BNIP3: variants seen among roughly 807,000 people sequenced by gnomAD.
BNIP3 encodes the protein BCL2 interacting protein 3, also known as BCL2/adenovirus E1B 19 kDa protein-interacting protein 3.
In BNIP3, 16 loss-of-function variants were observed where a neutral mutation model predicts 23.9. That is an observed-to-expected ratio of 0.67 (90% confidence interval 0.45 to 1.01). The LOEUF (loss-of-function observed/expected upper bound fraction) is 1.01, where lower values mean the gene tolerates loss of function less well. Ranked by LOEUF, BNIP3 falls within the 50% of genes least tolerant of loss-of-function variation. The pLI is 0.00. For missense variants in BNIP3, 198 were observed against 248.7 expected (o/e 0.80, Z 1.37); for synonymous variants, 81 against 89.3 (o/e 0.91, Z 0.53).
rs772114895 is a variant in BNIP3, at chr10:131,970,729, C to T, written c.448G>A (p.Val150Ile). 15 of 1,614,078 alleles carry T rather than the reference C, an allele frequency of 9.3e-6. No individual in the cohort carries two copies. The East Asian group carries it at 2.9e-4, about 31-fold the overall frequency. Residue 150 changes from valine (V) to isoleucine (I), a missense_variant, in exon 5 of 6, where the codon GTC becomes ATC. Transcript: ENST00000368636. This position sits in a 1 kb window ranked among gnomAD's most constrained non-coding sequence, Gnocchi z 4.1. ...TATLSMRNTS[V>I]MKKGGIFSAE... ...GAGAATATGCCCCCTTTCTTCATGA[C>T]GCTCGTGTTCCTCATGCTGAGGGTG... is the stretch of plus-strand genomic sequence containing the variant.
intron 1 of BNIP3, among the ~76,000 whole-genome samples, chr10:131,978,163 T>A (rs1231512260): frequency 6.6e-6 from 1 of 152,122 alleles, no homozygotes; most frequent in Non-Finnish European, 1.5e-5. Flanking sequence ...GTCCCTCTCA[T>A]GTTCCTCCCC....
chr10:131,981,403 G>A, intron 1 of BNIP3: 1 of 343,872 alleles, frequency 2.9e-6, no homozygotes, highest in Non-Finnish European at 5.3e-6. Context: ...ACCGCGGAGG[G>A]CAACGTGGAC....
At chr10:131,972,974 G>A (rs751967515) in intron 3 of BNIP3, 60 bp downstream of exon 3, 19 of 1,524,354 alleles carry the variant, frequency 1.2e-5, no homozygotes, top group Admixed American at 1.0e-4. Flanking sequence ...ATTTAAAACC[G>A]TTTCCTGTAC....
chr10:131,974,126 GCA>G (rs1350478924), intron 1 of BNIP3, among the ~76,000 whole-genome samples, 183 bp from the exon 2 acceptor site: 1 of 152,148 alleles, frequency 6.6e-6, no homozygotes, highest in Non-Finnish European at 1.5e-5. Flanking sequence ...GACTGTCCAC[GCA>G]CACACTCCCT....
intron 1 of BNIP3, among the ~76,000 whole-genome samples, chr10:131,977,206 T>C (rs1197711386): frequency 1.3e-5 from 2 of 151,062 alleles, no homozygotes; most frequent in African/African-American, 4.9e-5. Context: ...GAGGGGGAGG[T>C]TGCAGTGAGC....
intron 5 of BNIP3, chr10:131,969,727 A>T (rs1015819294): frequency 6.6e-6 from 1 of 152,306 alleles, no homozygotes; most frequent in African/African-American, 2.4e-5. Flanking sequence ...CACTGTCTGC[A>T]CGCCAGGACT....
chr10:131,968,719 C>T (rs1319874208), intron 5 of BNIP3, 150 bp from the exon 6 acceptor site: 6 of 598,276 alleles, frequency 1.0e-5, no homozygotes, highest in Non-Finnish European at 8.9e-6. Flanking sequence ...ATGAATCTAT[C>T]TGTGATCTTT....
In BNIP3 at chr10:131,970,871, G is replaced by C; in HGVS notation, c.382C>G (p.Pro128Ala). 6.2e-7 allele frequency: 1 copy of C among 1,614,206 alleles called. No individual in the cohort carries two copies. Among genetic ancestry groups the C allele is most frequent in the South Asian group, 1.1e-5 (1 of 91,084 alleles). ...WDWSSRPENIPPKEFLFKHPK... is the reference protein window; with the variant it reads ...WDWSSRPENIAPKEFLFKHPK... ...CACTGAGAACACACTCACTTGGGGG[G>C]AATATTTTCCGGCCGACTTGACCAA... Residue 128 changes from proline (P) to alanine (A), a missense_variant, in exon 4 of 6, where the codon CCC becomes GCC. Transcript: ENST00000368636. The surrounding 1 kb of genome is among the most constrained non-coding windows in gnomAD (Gnocchi z 4.1).
At position 131,981,899 on chromosome 10, in the gene BNIP3, C is replaced by G. The variant is rs545937508; in HGVS notation, c.-93G>C. 1.7e-4 allele frequency: 233 copies of G among 1,334,118 alleles called. 2 individuals carry two copies. In the South Asian group the frequency reaches 3.7e-3, roughly 21 times the overall value. The allele number at this position is 1,334,118 out of a possible 1,614,324, so 82.6% of individuals were successfully genotyped here. On this transcript the variant is annotated 5_prime_UTR_variant, in exon 1 of 6. Transcript: ENST00000368636. Reference sequence around the variant, plus strand: ...GGTGGGAAAGCGGAGGTCGGAGCGCCGCGGCCCAGCTGCGCTCCCGGACTG... The same window carrying G: ...GGTGGGAAAGCGGAGGTCGGAGCGCGGCGGCCCAGCTGCGCTCCCGGACTG...
intron 1 of BNIP3, among the ~76,000 whole-genome samples, chr10:131,979,709 AG>A (rs2037104475): frequency 1.3e-5 from 2 of 152,232 alleles, no homozygotes; most frequent in African/African-American, 4.8e-5. Flanking sequence ...GCATCCTGCG[AG>A]TCAACAACTT....
At chr10:131,981,654 C>T in intron 1 of BNIP3, 107 bp downstream of exon 1, 1 of 1,277,416 alleles carries the variant, frequency 7.8e-7, no homozygotes, top group South Asian at 1.9e-5. Flanking sequence ...GCCCGGCCCG[C>T]GATGCCCCCT....
At chr10:131,973,753 A>G (rs938463396) in intron 2 of BNIP3, 40 bp downstream of exon 2, 3 of 1,606,298 alleles carry the variant, frequency 1.9e-6, no homozygotes, top group Admixed American at 3.3e-5. Flanking sequence ...CACTGAAGAC[A>G]TCGGCACTGT....
chr10:131,978,782 C>G (rs1296585490), intron 1 of BNIP3, among the ~76,000 whole-genome samples: 1 of 152,190 alleles, frequency 6.6e-6, no homozygotes, highest in South Asian at 2.1e-4. Flanking sequence ...CAGAGGGAGG[C>G]AGCATCCCAG....
In BNIP3 at chr10:131,981,770, TCTC is replaced by T. The variant is rs2037121075; in HGVS notation, c.34_36del (p.Glu12del). 4.0e-5 allele frequency: 59 copies of T among 1,476,160 alleles called. No homozygotes were observed. The highest frequency in any genetic ancestry group is 5.0e-5 in the Non-Finnish European group (56 of 1,118,584). 91.4% of individuals were successfully genotyped at this position (1,476,160 alleles called of 1,614,324 possible). On this transcript the variant is annotated inframe_deletion, in exon 1 of 6. Coordinates refer to ENST00000368636, the MANE Select transcript of BNIP3 (RefSeq NM_004052.4). ...GCCTCCTCCGCCTCACCCTGCAGGC[TCTC>T]CTCCTGCATCCCGGGCGCTCCGTTC...
At position 131,976,918 on chromosome 10, in the gene BNIP3, G is replaced by T. The variant is rs2037081705; in HGVS notation, c.47-2975C>A. ...GACTTTATGAATAACGCACACACTGGTCAGGTTGTTCTGCCTATGGAGTCA... is the reference window on the plus strand; with the variant it reads ...GACTTTATGAATAACGCACACACTGTTCAGGTTGTTCTGCCTATGGAGTCA... On this transcript the variant is annotated intron_variant, in intron 1 of 5. Coordinates refer to ENST00000368636, the MANE Select transcript of BNIP3 (RefSeq NM_004052.4). This position sits in a 1 kb window ranked among gnomAD's most constrained non-coding sequence, Gnocchi z 4.3. Among the ~76,000 whole-genome samples the T allele has an allele frequency of 6.6e-6, 1 of 152,156 alleles. No individual in the cohort carries two copies. Among genetic ancestry groups the T allele is most frequent in the African/African-American group, 2.4e-5 (1 of 41,420 alleles).
intron 1 of BNIP3, chr10:131,981,131 G>C (rs2037115658): frequency 6.6e-6 from 1 of 152,254 alleles, no homozygotes; most frequent in Admixed American, 6.5e-5. Context: ...TGCACGGGCA[G>C]CGTCCTTTTG....
At chr10:131,972,802 G>C (rs2037046492) in intron 3 of BNIP3, among the ~76,000 whole-genome samples, 1 of 152,208 alleles carries the variant, frequency 6.6e-6, no homozygotes, top group African/African-American at 2.4e-5. Context: ...GGCCCCCGCT[G>C]CCTGTCCCAC....
chr10:131,973,412 A>G, intron 2 of BNIP3: 1 of 475,908 alleles, frequency 2.1e-6, no homozygotes, highest in Non-Finnish European at 3.8e-6. Flanking sequence ...CACAGCTCTC[A>G]AGGGCACGCG....
chr10:131,981,715 T>TC (rs752869688), intron 1 of BNIP3, 46 bp downstream of exon 1: 26 of 1,455,838 alleles, frequency 1.8e-5, no homozygotes, highest in South Asian at 5.4e-5. Context: ...TCCCCAGGCT[T>TC]CCCCCCCGCG....
Sources: gnomAD v4.1 joint callset for allele counts (sites outside exome capture counted in the v4.1 genomes callset) on GRCh38, gnomAD v4.1.1 for gene constraint, Gnocchi (gnomAD v3.1) non-coding constraint, MANE v1.5 for transcripts, NCBI Gene and HGNC (gene_info 2026-07-23, HGNC 2026-07-21) for gene names.